LDB2: variants seen among roughly 807,000 people sequenced by gnomAD.
The protein encoded by LDB2 is LIM domain binding 2.
Under a neutral mutation model 44.3 loss-of-function variants are expected in LDB2, and 12 were observed. That is an observed-to-expected ratio of 0.27 (90% confidence interval 0.17 to 0.44). The LOEUF (loss-of-function observed/expected upper bound fraction) is 0.44. LDB2 is among the 20% of genes least tolerant of loss of function. The probability of loss-of-function intolerance (pLI) is 1.00; values close to 1 mark genes in which losing one functional copy is unlikely to be tolerated. For synonymous variants in LDB2, 164 were observed against 174.8 expected (o/e 0.94, Z 0.49); for missense variants, 344 against 473.5 (o/e 0.73, Z 2.54).
Position 16,741,360 on chromosome 4 carries a change from A to G in LDB2, c.235+17798T>C, listed in dbSNP as rs1028730764. On this transcript the variant is annotated intron_variant, in intron 2 of 7. Coordinates refer to ENST00000304523, the MANE Select transcript of LDB2 (RefSeq NM_001290.5). Reference sequence around the variant, plus strand: ...ATTAAGGGGTGAAAAGGCTGCGATTACTGTCCAAGGACATCTCCAGAGAGG... The same window carrying G: ...ATTAAGGGGTGAAAAGGCTGCGATTGCTGTCCAAGGACATCTCCAGAGAGG... 5 of 152,250 alleles carry G rather than the reference A, an allele frequency of 3.3e-5. No individual in the cohort carries two copies. The East Asian group carries it at 9.6e-4, about 29-fold the overall frequency. 9.4% of individuals were successfully genotyped at this position (152,250 alleles called of 1,614,324 possible). A position where few individuals can be genotyped will look rare whatever the true frequency, so the allele number is the denominator to read the frequency against.
intron 1 of LDB2, among the ~76,000 whole-genome samples, chr4:16,767,786 T>C (rs958376276): frequency 3.9e-5 from 6 of 152,220 alleles, no homozygotes; most frequent in Non-Finnish European, 8.8e-5. Context: ...ATCCCCTATA[T>C]GCATTTGTGC....
chr4:16,549,827 T>TA (rs1282966218), intron 5 of LDB2, among the ~76,000 whole-genome samples: 1 of 152,218 alleles, frequency 6.6e-6, no homozygotes, highest in Non-Finnish European at 1.5e-5. Flanking sequence ...CTGTAAGAGT[T>TA]ACAAAATATT....
At chr4:16,743,359 G>C (rs1475405060) in intron 2 of LDB2, among the ~76,000 whole-genome samples, 2 of 152,112 alleles carry the variant, frequency 1.3e-5, no homozygotes, top group Admixed American at 1.3e-4. Flanking sequence ...CCTGGTGGTA[G>C]AAAGAATTCT....
chr4:16,742,877 C>T (rs1299742903), intron 2 of LDB2, among the ~76,000 whole-genome samples: 1 of 152,186 alleles, frequency 6.6e-6, no homozygotes, highest in Non-Finnish European at 1.5e-5. Context: ...CTCACTGCCC[C>T]TCGCCTCTAT....
At chr4:16,539,497 T>C (rs12640767) in intron 5 of LDB2, among the ~76,000 whole-genome samples, 30,154 of 152,020 alleles carry the variant, frequency 0.2, 3,057 homozygotes, top group East Asian at 0.3. Context: ...ATGGTGATGA[T>C]AGTGGTGATA....
chr4:16,724,144 T>C (rs756762807), intron 2 of LDB2, among the ~76,000 whole-genome samples: 1 of 152,158 alleles, frequency 6.6e-6, no homozygotes, highest in Non-Finnish European at 1.5e-5. Context: ...GGGTTTGTTA[T>C]GACAACAATA....
intron 1 of LDB2, among the ~76,000 whole-genome samples, chr4:16,767,652 C>G (rs1209610474): frequency 2.0e-5 from 3 of 152,218 alleles, no homozygotes; most frequent in Non-Finnish European, 4.4e-5. Context: ...TAGCATACAG[C>G]AGCCTCCAGG....
chr4:16,719,685 T>C (rs1291382239), intron 2 of LDB2, among the ~76,000 whole-genome samples: 1 of 152,082 alleles, frequency 6.6e-6, no homozygotes, highest in Non-Finnish European at 1.5e-5. Flanking sequence ...GTTGAGAGGG[T>C]GCAGCTCTTA....
intron 6 of LDB2, among the ~76,000 whole-genome samples, chr4:16,510,695 C>T (rs1257180125): frequency 6.6e-6 from 1 of 152,174 alleles, no homozygotes; most frequent in Non-Finnish European, 1.5e-5. Context: ...TGTCAAATTA[C>T]TACCCTAAGT....
chr4:16,550,098 T>G (rs998765392), intron 5 of LDB2, among the ~76,000 whole-genome samples: 3 of 152,228 alleles, frequency 2.0e-5, no homozygotes, highest in Non-Finnish European at 4.4e-5. Flanking sequence ...AGATCTTACC[T>G]AAGTAAGTTA....
At chr4:16,755,000 A>T (rs563254491) in intron 2 of LDB2, among the ~76,000 whole-genome samples, 1 of 152,140 alleles carries the variant, frequency 6.6e-6, no homozygotes, top group Admixed American at 6.5e-5. Context: ...GCCTCAGGAG[A>T]TCCTTCTCCA....
intron 1 of LDB2, among the ~76,000 whole-genome samples, chr4:16,896,376 G>A (rs1215922464): frequency 6.6e-6 from 1 of 152,028 alleles, no homozygotes; most frequent in African/African-American, 2.4e-5. Flanking sequence ...TGTCTCAAAT[G>A]GGAAACAAAC....
At chr4:16,883,577 A>G (rs1720809916) in intron 1 of LDB2, among the ~76,000 whole-genome samples, 1 of 152,208 alleles carries the variant, frequency 6.6e-6, no homozygotes, top group South Asian at 2.1e-4. Flanking sequence ...CCATTCTATC[A>G]GTGTGGAAAC....
intron 7 of LDB2, 122 bp from the exon 8 acceptor site, chr4:16,502,995 C>T (rs1717910809): frequency 4.4e-6 from 7 of 1,600,302 alleles, no homozygotes; most frequent in Admixed American, 1.7e-5. Flanking sequence ...ACAACGGGGT[C>T]AAGTCTCAAT....
At chr4:16,757,055 T>G (rs1447199397) in intron 2 of LDB2, among the ~76,000 whole-genome samples, 2 of 152,132 alleles carry the variant, frequency 1.3e-5, no homozygotes, top group African/African-American at 4.8e-5. Flanking sequence ...AAGGAAGAGC[T>G]GCAGCTTCTA....
At chr4:16,763,366 A>C (rs1768394411) in intron 1 of LDB2, among the ~76,000 whole-genome samples, 1 of 150,272 alleles carries the variant, frequency 6.7e-6, no homozygotes, top group Non-Finnish European at 1.5e-5. Flanking sequence ...TTGGTCAATA[A>C]TTTTAAACGC....
chr4:16,536,134 C>T (rs1261546740), intron 5 of LDB2, among the ~76,000 whole-genome samples: 1 of 152,182 alleles, frequency 6.6e-6, no homozygotes, highest in African/African-American at 2.4e-5. Flanking sequence ...TCGGCCCTCT[C>T]CCCAGTCACT....
chr4:16,682,376 G>T (rs1293980821), intron 2 of LDB2, among the ~76,000 whole-genome samples: 1 of 152,160 alleles, frequency 6.6e-6, no homozygotes, highest in Non-Finnish European at 1.5e-5. Context: ...GAGAGACCAG[G>T]CATCGTCAGC....
At chr4:16,891,907 A>G (rs192417692) in intron 1 of LDB2, among the ~76,000 whole-genome samples, 1 of 152,356 alleles carries the variant, frequency 6.6e-6, no homozygotes, top group Admixed American at 6.5e-5. Context: ...ATGGCAGAGT[A>G]GTTACAACCT....
Sources: allele counts gnomAD v4.1 joint callset (sites outside exome capture counted in the v4.1 genomes callset), GRCh38; gene constraint gnomAD v4.1.1; transcripts MANE v1.5; gene names NCBI Gene and HGNC (gene_info 2026-07-23, HGNC 2026-07-21).